The following PKIB variants were observed in gnomAD, a reference collection of about 807,000 sequenced individuals.
The protein encoded by PKIB is PKI-beta.
In PKIB, 2 loss-of-function variants were observed where a neutral mutation model predicts 4.5. The ratio of observed to expected loss-of-function variants is 0.44; its 90% CI spans 0.18 to 1.39. PKIB has a LOEUF of 1.39. PKIB is among the 40% of genes most tolerant of loss of function. The pLI is 0.27. For synonymous variants in PKIB, 38 were observed against 36.0 expected, an observed-to-expected ratio of 1.06 and a Z score of -0.20; for missense variants, 94 against 92.6, an observed-to-expected ratio of 1.02 and a Z score of -0.06.
intron 2 of PKIB, among the ~76,000 whole-genome samples, chr6:122,579,318 A>G (rs535322442): frequency 6.6e-6 from 1 of 152,164 alleles, no homozygotes; most frequent in Non-Finnish European, 1.5e-5. Flanking sequence ...TTTGCGGTGC[A>G]TGGAATATCC....
chr6:122,569,715 C>T (rs1582704261), intron 2 of PKIB, among the ~76,000 whole-genome samples: 1 of 152,274 alleles, frequency 6.6e-6, no homozygotes, highest in Middle Eastern at 3.4e-3. Flanking sequence ...GGTGGCTATA[C>T]CCAGAAGAGC....
rs563279611 is a variant in PKIB, at chr6:122,679,720, A to T, written c.-9+4576A>T. ...AGGAACAGGTTTCAAAAGGAAGGTG[A>T]TATTTCTAAGCCACGGTGATGAGAT... On this transcript the variant is annotated intron_variant, in intron 3 of 4. Transcript: ENST00000368452. 3.9e-5 allele frequency among the ~76,000 whole-genome samples: 6 copies of T among 152,314 alleles called. No homozygotes were observed. The South Asian group carries it at 1.2e-3, about 32-fold the overall frequency.
chr6:122,500,768 T>G (rs1010454852), intron 2 of PKIB, among the ~76,000 whole-genome samples: 14 of 152,160 alleles, frequency 9.2e-5, no homozygotes, highest in African/African-American at 3.4e-4. Flanking sequence ...AAAAGAGGCT[T>G]AATTAACTCA....
chr6:122,536,915 T>A (rs1373162017), intron 2 of PKIB, among the ~76,000 whole-genome samples: 1 of 145,694 alleles, frequency 6.9e-6, no homozygotes, highest in Admixed American at 6.8e-5. Flanking sequence ...TTTTTTTTTT[T>A]AACCAACGAA....
intron 2 of PKIB, among the ~76,000 whole-genome samples, chr6:122,522,077 G>A (rs1776961620): frequency 1.3e-5 from 2 of 151,880 alleles, no homozygotes; most frequent in African/African-American, 4.8e-5. Flanking sequence ...AAAATCACTT[G>A]AATTTGCTTT....
At chr6:122,607,898 C>T (rs548471017), upstream of PKIB, among the ~76,000 whole-genome samples, 1 of 152,322 alleles carries the variant, frequency 6.6e-6, no homozygotes, top group East Asian at 1.9e-4. Flanking sequence ...TCTGCCCCAA[C>T]TTTGCATAGT....
intron 2 of PKIB, among the ~76,000 whole-genome samples, chr6:122,503,159 A>G (rs939282050): frequency 6.6e-6 from 1 of 152,156 alleles, no homozygotes; most frequent in African/African-American, 2.4e-5. Context: ...CTGATTACCC[A>G]CGAAAGACCC....
At chr6:122,652,024 CA>C (rs1776573939) in intron 2 of PKIB, among the ~76,000 whole-genome samples, 3 of 152,134 alleles carry the variant, frequency 2.0e-5, no homozygotes, top group Non-Finnish European at 4.4e-5. Context: ...ACCCTCTTCA[CA>C]ACTGAGAATT....
intron 3 of PKIB, among the ~76,000 whole-genome samples, chr6:122,703,235 T>A (rs1284425414): frequency 2.0e-5 from 3 of 152,180 alleles, no homozygotes; most frequent in East Asian, 1.9e-4. Flanking sequence ...TTGTAAAAAA[T>A]TTTTATAGCC....
chr6:122,707,176 A>G (rs905456839), intron 3 of PKIB, among the ~76,000 whole-genome samples: 11 of 152,038 alleles, frequency 7.2e-5, no homozygotes, highest in African/African-American at 2.7e-4. Context: ...TTCTTTCTAA[A>G]GTTGTTTGCC....
chr6:122,670,446 C>A (rs915141129), intron 2 of PKIB, among the ~76,000 whole-genome samples: 1 of 152,078 alleles, frequency 6.6e-6, no homozygotes, highest in African/African-American at 2.4e-5. Context: ...TTGCTATTTG[C>A]TTACTACCAA....
intron 2 of PKIB, among the ~76,000 whole-genome samples, chr6:122,580,850 C>A (rs1038097966): frequency 6.6e-6 from 1 of 152,076 alleles, no homozygotes; most frequent in Admixed American, 6.6e-5. Flanking sequence ...GCACTGAATA[C>A]CTTGTCTGAC....
intron 2 of PKIB, among the ~76,000 whole-genome samples, chr6:122,567,261 C>A (rs1387743688): frequency 2.0e-5 from 3 of 152,134 alleles, no homozygotes; most frequent in African/African-American, 4.8e-5. Context: ...AATTAACATG[C>A]CTTGGGAGCA....
At chr6:122,626,541 AAGCTTCAC>A (rs2114804935) in intron 1 of PKIB, among the ~76,000 whole-genome samples, 1 of 152,316 alleles carries the variant, frequency 6.6e-6, no homozygotes, top group Admixed American at 6.5e-5. Context: ...ACAATTCCTA[AAGCTTCAC>A]AGAAGATGCG....
At chr6:122,658,829 T>A (rs956370071) in intron 2 of PKIB, among the ~76,000 whole-genome samples, 18 of 151,644 alleles carry the variant, frequency 1.2e-4, no homozygotes, top group Admixed American at 6.6e-5. Flanking sequence ...CAGTAGCATT[T>A]ATTCATTTGT....
chr6:122,485,312 T>C (rs562215938), intron 2 of PKIB, among the ~76,000 whole-genome samples: 11 of 152,238 alleles, frequency 7.2e-5, no homozygotes, highest in Non-Finnish European at 1.3e-4. Context: ...TTACATGAGA[T>C]ATAAATAAGA....
chr6:122,702,233 T>C (rs112415336), intron 3 of PKIB, among the ~76,000 whole-genome samples: 302 of 151,770 alleles, frequency 2.0e-3, no homozygotes, highest in African/African-American at 7.1e-3. Flanking sequence ...GCTACCAATC[T>C]GGTATTGCCC....
chr6:122,522,124 G>A (rs2114601766), intron 2 of PKIB, among the ~76,000 whole-genome samples: 1 of 148,670 alleles, frequency 6.7e-6, no homozygotes, highest in African/African-American at 2.5e-5. Context: ...AAATAAACAT[G>A]AACAGCAAGT....
At chr6:122,486,714 A>C (rs578198013) in intron 2 of PKIB, among the ~76,000 whole-genome samples, 2 of 152,236 alleles carry the variant, frequency 1.3e-5, no homozygotes, top group Admixed American at 1.3e-4. Context: ...GAATTTTATT[A>C]ATACATTTTT....
Sources: allele counts gnomAD v4.1 joint callset (sites outside exome capture counted in the v4.1 genomes callset), GRCh38; gene constraint gnomAD v4.1.1; transcripts MANE v1.5; gene names NCBI Gene and HGNC (gene_info 2026-07-23, HGNC 2026-07-21).